The following OTOA variants were observed in gnomAD, a reference collection of about 807,000 sequenced individuals.
OTOA encodes the protein cancer/testis antigen 108.
A neutral mutation model predicts 110.8 loss-of-function variants in OTOA; 70 were observed. The ratio of observed to expected loss-of-function variants is 0.63; its 90% CI spans 0.52 to 0.77. OTOA has a LOEUF of 0.77. OTOA is among the 30% of genes least tolerant of loss of function. OTOA has a pLI of 0.00. For synonymous variants in OTOA, 373 were observed against 431.5 expected (o/e 0.86, Z 1.68); for missense variants, 917 against 1,075.8 (o/e 0.85, Z 2.06).
At chr16:21,682,161 TA>T (rs1966903124) in intron 6 of OTOA, among the ~76,000 whole-genome samples, 1 of 152,250 alleles carries the variant, frequency 6.6e-6, no homozygotes, top group Non-Finnish European at 1.5e-5. Context: ...AAGGCAGCTC[TA>T]TTCCATGAGG....
At chr16:21,666,354 C>T (rs770453470) in intron 1 of OTOA, among the ~76,000 whole-genome samples, 7 of 150,648 alleles carry the variant, frequency 4.6e-5, no homozygotes, top group Non-Finnish European at 8.8e-5. Flanking sequence ...CAGTGAAACT[C>T]CATGTAATTG....
At chr16:21,697,709 C>T in intron 9 of OTOA, 66 bp from the exon 10 acceptor site, 1 of 1,355,038 alleles carries the variant, frequency 7.4e-7, no homozygotes, top group Non-Finnish European at 1.1e-6. Flanking sequence ...TGTTGACTAT[C>T]ACATACCAGT....
At chr16:21,720,175 C>T (rs962089163) in intron 17 of OTOA, among the ~76,000 whole-genome samples, 22 of 152,004 alleles carry the variant, frequency 1.4e-4, no homozygotes, top group African/African-American at 5.1e-4. Flanking sequence ...AGGCTGGTCT[C>T]AAATTCCTGG....
At chr16:21,667,839 A>T (rs1043302727) in intron 1 of OTOA, among the ~76,000 whole-genome samples, 3 of 152,074 alleles carry the variant, frequency 2.0e-5, no homozygotes, top group Non-Finnish European at 4.4e-5. Context: ...CACACAGGAA[A>T]TTTTCATATG....
In OTOA at chr16:21,684,317, G is replaced by C. The variant is rs1966957616; in HGVS notation, c.268-913G>C. The C allele has an allele frequency of 2.2e-6, 3 of 1,358,496 alleles. No individual in the cohort carries two copies. The Admixed American group carries it at 8.6e-5, about 39-fold the overall frequency. The allele number at this position is 1,358,496 out of a possible 1,614,324, so 84.2% of individuals were successfully genotyped here. A position where few individuals can be genotyped will look rare whatever the true frequency, so the allele number is the denominator to read the frequency against. On this transcript the variant is annotated intron_variant, in intron 6 of 28. Transcript: ENST00000646100. Reference sequence around the variant, plus strand: ...CCATGACATCACACTGGGCATGTCTGTTTAACGGAGATTTAGAGAACAATT... The same window carrying C: ...CCATGACATCACACTGGGCATGTCTCTTTAACGGAGATTTAGAGAACAATT...
At chr16:21,711,438 C>A (rs981603740) in intron 13 of OTOA, among the ~76,000 whole-genome samples, 5 of 152,096 alleles carry the variant, frequency 3.3e-5, no homozygotes, top group African/African-American at 1.2e-4. Flanking sequence ...GGCTCCAAAT[C>A]TGGGAGACTT....
At chr16:21,724,359 A>G (rs1390004783) in intron 18 of OTOA, among the ~76,000 whole-genome samples, 1 of 152,100 alleles carries the variant, frequency 6.6e-6, no homozygotes, top group East Asian at 1.9e-4. Context: ...CAGGCAGTGG[A>G]ATGGGGATGT....
chr16:21,719,308 C>T, intron 16 of OTOA, 79 bp from the exon 17 acceptor site: 1 of 1,548,412 alleles, frequency 6.5e-7, no homozygotes, highest in Non-Finnish European at 8.9e-7. Flanking sequence ...TGTATCTGAT[C>T]ATATCTGCCT....
At chr16:21,756,297 A>C (rs1261536767) in intron 27 of OTOA, among the ~76,000 whole-genome samples, 1 of 151,882 alleles carries the variant, frequency 6.6e-6, no homozygotes, top group Non-Finnish European at 1.5e-5. Flanking sequence ...TGTCCATAGC[A>C]GATATCACCA....
chr16:21,711,356 G>A (rs1898348735), intron 13 of OTOA, among the ~76,000 whole-genome samples: 1 of 152,166 alleles, frequency 6.6e-6, no homozygotes, highest in Non-Finnish European at 1.5e-5. Flanking sequence ...CTGTGTTCTT[G>A]CTGCTCCTGG....
At chr16:21,710,227 C>A in intron 13 of OTOA, 124 bp downstream of exon 13, 1 of 1,101,708 alleles carries the variant, frequency 9.1e-7, no homozygotes, top group Non-Finnish European at 1.3e-6. Flanking sequence ...TTATTTCTCA[C>A]AGTTCTGGAG....
chr16:21,707,585 C>CTCCT (rs1359812928), intron 12 of OTOA, among the ~76,000 whole-genome samples: 1 of 130,588 alleles, frequency 7.7e-6, no homozygotes, highest in Non-Finnish European at 1.6e-5. Context: ...TACCTTCCTT[C>CTCCT]TCCTTCCTTT....
intron 19 of OTOA, chr16:21,727,069 T>C: frequency 4.3e-6 from 1 of 233,716 alleles, no homozygotes; most frequent in Non-Finnish European, 8.2e-6. Context: ...CAGGCTGGAG[T>C]GCAGTAGCAC....
chr16:21,691,506 A>G, intron 8 of OTOA, 78 bp from the exon 9 acceptor site: 4 of 1,208,922 alleles, frequency 3.3e-6, no homozygotes, highest in South Asian at 2.5e-5. Context: ...TTTGGGTCAC[A>G]TTTGCTGTTG....
chr16:21,701,094 G>A lies in OTOA; in HGVS notation c.980+67G>A, dbSNP rs755845214. On this transcript the variant is annotated intron_variant, in intron 11 of 28. Transcript: ENST00000646100. ...TGTGATCTAAGCATCAGAATTCTCT[G>A]AGCAGCAAAACACCCAGGGAGGGAA... 49 of 1,608,560 alleles carry A rather than the reference G, an allele frequency of 3.0e-5. 1 individual carries two copies. Among genetic ancestry groups the A allele is most frequent in the Non-Finnish European group, 3.8e-5 (45 of 1,177,108 alleles).
At chr16:21,707,312 G>C (rs1324996341) in intron 12 of OTOA, among the ~76,000 whole-genome samples, 1 of 151,998 alleles carries the variant, frequency 6.6e-6, no homozygotes, top group Non-Finnish European at 1.5e-5. Flanking sequence ...TTAGATACGA[G>C]GGAGCCCTTT....
At chr16:21,707,387 C>CT (rs1457420231) in intron 12 of OTOA, among the ~76,000 whole-genome samples, 1 of 151,928 alleles carries the variant, frequency 6.6e-6, no homozygotes, top group African/African-American at 2.4e-5. Flanking sequence ...AGGGCCTGTT[C>CT]AAATACAGCT....
At chr16:21,728,754 A>G (rs1167710680) in intron 20 of OTOA, among the ~76,000 whole-genome samples, 1 of 151,714 alleles carries the variant, frequency 6.6e-6, no homozygotes, top group Non-Finnish European at 1.5e-5. Flanking sequence ...ACGCCCAGCT[A>G]TTTTTTGCAT....
At chr16:21,701,961 T>G (rs1898062695) in intron 11 of OTOA, among the ~76,000 whole-genome samples, 1 of 150,080 alleles carries the variant, frequency 6.7e-6, no homozygotes, top group African/African-American at 2.5e-5. Flanking sequence ...TTTTTTTTTT[T>G]TTTTTTTGAG....
Sources: gnomAD v4.1 joint callset for allele counts (sites outside exome capture counted in the v4.1 genomes callset) on GRCh38, gnomAD v4.1.1 for gene constraint, MANE v1.5 for transcripts, NCBI Gene and HGNC (gene_info 2026-07-23, HGNC 2026-07-21) for gene names.